Variants in SLC9D1 observed in about 807,000 individuals in gnomAD.
SLC9D1 encodes putative LAG1-interacting protein.
the SLC9D1 span, chr13:113,548,431 A>G: frequency 6.2e-7 from 1 of 1,610,488 alleles, no homozygotes; most frequent in Non-Finnish European, 8.5e-7. Flanking sequence ...GGGCGCGAAG[A>G]GCGGGCGTCA....
At chr13:113,501,634 C>A in the SLC9D1 span, 1 of 757,416 alleles carries the variant, frequency 1.3e-6, no homozygotes, top group Non-Finnish European at 2.1e-6. Flanking sequence ...TTGTCTTCAC[C>A]CTTCATTCCC....
At chr13:113,513,590 A>G in the SLC9D1 span, among the ~76,000 whole-genome samples, 1 of 152,186 alleles carries the variant, frequency 6.6e-6, no homozygotes, top group Non-Finnish European at 1.5e-5. Flanking sequence ...TGTGTAATAT[A>G]CCCACAGCAC....
chr13:113,514,921 G>A, the SLC9D1 span, among the ~76,000 whole-genome samples: 1 of 152,184 alleles, frequency 6.6e-6, no homozygotes, highest in East Asian at 1.9e-4. Context: ...GTCTTGCTAT[G>A]TTACCCAGGC....
the SLC9D1 span, among the ~76,000 whole-genome samples, chr13:113,539,046 G>A: frequency 6.6e-6 from 1 of 152,356 alleles, no homozygotes; most frequent in East Asian, 1.9e-4. This position sits in a 1 kb window ranked among gnomAD's most constrained non-coding sequence, Gnocchi z 4.8. Context: ...TCAAGAAAAT[G>A]TATCACAAAT....
At chr13:113,529,118 T>C in the SLC9D1 span, 1 of 152,390 alleles carries the variant, frequency 6.6e-6, no homozygotes, top group African/African-American at 2.4e-5. Context: ...GCATAAGACA[T>C]TGTCTTAATC....
chr13:113,501,719 A>T, the SLC9D1 span: 2 of 1,584,794 alleles, frequency 1.3e-6, no homozygotes, highest in Non-Finnish European at 1.7e-6. Flanking sequence ...CTGTTATCTT[A>T]TACTTCTGTT....
chr13:113,505,023 T>C, the SLC9D1 span: 4 of 152,196 alleles, frequency 2.6e-5, no homozygotes, highest in Non-Finnish European at 4.4e-5. Context: ...AGGTATTGCA[T>C]TGTGGTTTTG....
At chr13:113,547,529 G>A in the SLC9D1 span, 10 of 640,712 alleles carry the variant, frequency 1.6e-5, no homozygotes, top group Admixed American at 2.8e-5. Context: ...ACTGGACCCC[G>A]GGGGAGGCAG....
the SLC9D1 span, among the ~76,000 whole-genome samples, chr13:113,509,018 G>A: frequency 0.074 from 9,448 of 127,914 alleles, 74 homozygotes; most frequent in Middle Eastern, 0.19. Flanking sequence ...TGGGACTGGC[G>A]GGCTTGGCGG....
the SLC9D1 span, among the ~76,000 whole-genome samples, chr13:113,497,301 A>G: frequency 6.6e-6 from 1 of 151,266 alleles, no homozygotes; most frequent in Non-Finnish European, 1.5e-5. Flanking sequence ...GCTGTGTGTG[A>G]GATCTGCAGC....
the SLC9D1 span, chr13:113,548,404 C>T: frequency 1.2e-6 from 2 of 1,613,156 alleles, no homozygotes; most frequent in Non-Finnish European, 1.7e-6. Context: ...GCGAGTTTTC[C>T]TTTGTCCTGG....
the SLC9D1 span, among the ~76,000 whole-genome samples, chr13:113,521,424 G>A: frequency 6.6e-6 from 1 of 151,048 alleles, no homozygotes; most frequent in Non-Finnish European, 1.5e-5. Context: ...GCATGCATGT[G>A]TGGTGTGCGT....
At chr13:113,512,293 TATAC>T in the SLC9D1 span, among the ~76,000 whole-genome samples, 7 of 109,304 alleles carry the variant, frequency 6.4e-5, no homozygotes, top group African/African-American at 9.6e-5. Flanking sequence ...TCAGTATATA[TATAC>T]ACTCGGAGTC....
At chr13:113,524,840 C>G in the SLC9D1 span, among the ~76,000 whole-genome samples, 2 of 152,002 alleles carry the variant, frequency 1.3e-5, no homozygotes, top group Non-Finnish European at 2.9e-5. Context: ...CTCAGCCAGT[C>G]TCTGTATTTT....
chr13:113,524,515 T>C, the SLC9D1 span, among the ~76,000 whole-genome samples: 4 of 152,046 alleles, frequency 2.6e-5, no homozygotes, highest in African/African-American at 7.3e-5. Flanking sequence ...TTGTATTTTT[T>C]AGTAGAGACA....
At chr13:113,544,155 G>GCAGGT in the SLC9D1 span, among the ~76,000 whole-genome samples, 1 of 152,242 alleles carries the variant, frequency 6.6e-6, no homozygotes, top group South Asian at 2.1e-4. Context: ...AGACTCCTCT[G>GCAGGT]CAGGTCAGCC....
the SLC9D1 span, chr13:113,511,986 G>C: frequency 3.3e-5 from 5 of 149,658 alleles, no homozygotes; most frequent in Admixed American, 1.3e-4. Context: ...TAGATGGAGA[G>C]GGTCAGTATA....
the SLC9D1 span, chr13:113,549,492 C>G: frequency 6.2e-7 from 1 of 1,614,058 alleles, no homozygotes; most frequent in Non-Finnish European, 8.5e-7. Context: ...TGGAGAGCTG[C>G]AATCACGAGG....
chr13:113,513,951 G>A, the SLC9D1 span, among the ~76,000 whole-genome samples: 1 of 152,196 alleles, frequency 6.6e-6, no homozygotes, highest in Admixed American at 6.5e-5. Flanking sequence ...ATGGAGCCGG[G>A]GGGTCGGGGC....
Sources: allele counts gnomAD v4.1 joint callset (sites outside exome capture counted in the v4.1 genomes callset), GRCh38; gene constraint gnomAD v4.1.1; non-coding constraint Gnocchi (gnomAD v3.1); transcripts MANE v1.5; gene names NCBI Gene and HGNC (gene_info 2026-07-23, HGNC 2026-07-21).